TMEM242: variants seen among roughly 807,000 people sequenced by gnomAD.
TMEM242 encodes UPF0463 transmembrane protein C6orf35.
Under a neutral mutation model 18.2 loss-of-function variants are expected in TMEM242, and 10 were observed. The observed-to-expected ratio is 0.55, with a 90% CI of 0.34 to 0.93. The LOEUF (loss-of-function observed/expected upper bound fraction) is 0.93. TMEM242 is among the 40% of genes least tolerant of loss of function. TMEM242 has a pLI of 0.02. For synonymous variants in TMEM242, 57 were observed against 69.9 expected (o/e 0.81, Z 0.92); for missense variants, 186 against 175.5 (o/e 1.06, Z -0.34).
intron 3 of TMEM242, among the ~76,000 whole-genome samples, chr6:157,307,097 A>G (rs1190450047): frequency 6.6e-6 from 1 of 152,212 alleles, no homozygotes; most frequent in Non-Finnish European, 1.5e-5. Context: ...CTAATCAATC[A>G]TAAGTAACTT....
At chr6:157,299,411 A>C (rs1206084993) in intron 3 of TMEM242, 7 of 1,278,768 alleles carry the variant, frequency 5.5e-6, no homozygotes, top group Non-Finnish European at 6.8e-6. Context: ...TCCACTCCAT[A>C]CAGGAACACT....
At chr6:157,310,473 T>C (rs1554248296) in intron 3 of TMEM242, among the ~76,000 whole-genome samples, 2 of 151,150 alleles carry the variant, frequency 1.3e-5, no homozygotes, top group East Asian at 3.9e-4. Context: ...AGTGCCCCAG[T>C]GTGTGCTCAC....
intron 1 of TMEM242, 89 bp downstream of exon 1, chr6:157,323,323 G>A: frequency 7.3e-7 from 1 of 1,376,924 alleles, no homozygotes; most frequent in East Asian, 2.3e-5. Context: ...TCTCAGAGCG[G>A]GATGTGTGTG....
intron 3 of TMEM242, among the ~76,000 whole-genome samples, chr6:157,294,350 T>TC (rs1777722486): frequency 1.4e-5 from 2 of 144,936 alleles, no homozygotes; most frequent in African/African-American, 5.1e-5. Context: ...GTCATTTCTT[T>TC]TTTTTTTTTT....
Position 157,291,478 on chromosome 6 carries a change from C to G in TMEM242, c.*1423G>C, listed in dbSNP as rs1777683688. 1 of 152,268 alleles carries G rather than the reference C, an allele frequency of 6.6e-6. No individual in the cohort carries two copies. Among genetic ancestry groups the G allele is most frequent in the African/African-American group, 2.4e-5 (1 of 41,472 alleles). The allele number at this position is 152,268 out of a possible 1,614,324, so 9.4% of individuals were successfully genotyped here. On this transcript the variant is annotated 3_prime_UTR_variant, in exon 4 of 4. Transcript: ENST00000400788. ...CGAAAACCTGTTCCTTTGGCTCCTG[C>G]CTTTCCTTCCTTTCATTCAAAGCCT...
intron 2 of TMEM242, among the ~76,000 whole-genome samples, chr6:157,321,110 G>A (rs890450891): frequency 7.4e-5 from 11 of 149,468 alleles, no homozygotes; most frequent in African/African-American, 2.5e-4. Flanking sequence ...CCGGGTTCAC[G>A]CCATTCTCCT....
chr6:157,318,973 C>A (rs1778453144), intron 2 of TMEM242, 54 bp from the exon 3 acceptor site: 1 of 1,521,004 alleles, frequency 6.6e-7, no homozygotes, highest in Middle Eastern at 1.8e-4. Flanking sequence ...AAAGAATAAG[C>A]ATTCTGGGGG....
intron 3 of TMEM242, among the ~76,000 whole-genome samples, chr6:157,313,707 C>G: frequency 7.8e-6 from 1 of 128,096 alleles, no homozygotes; most frequent in Admixed American, 7.6e-5. Context: ...CTGGCCTCAT[C>G]ATAGTGTCCC....
At chr6:157,312,905 T>G (rs1554249504) in intron 3 of TMEM242, among the ~76,000 whole-genome samples, 1 of 152,054 alleles carries the variant, frequency 6.6e-6, no homozygotes, top group Non-Finnish European at 1.5e-5. Flanking sequence ...AGTGTCCCAC[T>G]GTGCGCTCAC....
intron 3 of TMEM242, among the ~76,000 whole-genome samples, chr6:157,306,112 T>C (rs587683108): frequency 3.3e-4 from 50 of 152,316 alleles, no homozygotes; most frequent in African/African-American, 1.2e-3. Flanking sequence ...GCAAGGTCCC[T>C]TGTAGATGAC....
intron 3 of TMEM242, among the ~76,000 whole-genome samples, chr6:157,313,069 T>A (rs1313066803): frequency 9.2e-4 from 2 of 2,176 alleles, no homozygotes; most frequent in South Asian, 8.5e-3. Context: ...CATCATAGGG[T>A]CCCAGTATGC....
At chr6:157,299,554 T>C (rs1719225460) in intron 3 of TMEM242, 5 of 1,529,880 alleles carry the variant, frequency 3.3e-6, no homozygotes, top group African/African-American at 1.4e-5. Flanking sequence ...TTTTGGAAAA[T>C]GCACTCAACT....
chr6:157,322,294 C>T (rs1778508707), intron 2 of TMEM242, among the ~76,000 whole-genome samples: 1 of 152,084 alleles, frequency 6.6e-6, no homozygotes, highest in Admixed American at 6.6e-5. Context: ...CCACACCTGG[C>T]TCATTTTTGT....
chr6:157,318,720 A>G, intron 3 of TMEM242, 62 bp downstream of exon 3: 1 of 1,598,158 alleles, frequency 6.3e-7, no homozygotes, highest in Non-Finnish European at 8.5e-7. Context: ...AACCAGAAAA[A>G]TTTAGAACAC....
chr6:157,313,496 G>T (rs1554249794), intron 3 of TMEM242, among the ~76,000 whole-genome samples: 4 of 147,902 alleles, frequency 2.7e-5, no homozygotes, highest in Non-Finnish European at 4.5e-5. Flanking sequence ...CACTCACCTA[G>T]ACTCATCATA....
At chr6:157,306,214 C>T (rs1390560411) in intron 3 of TMEM242, among the ~76,000 whole-genome samples, 1 of 152,086 alleles carries the variant, frequency 6.6e-6, no homozygotes, top group Non-Finnish European at 1.5e-5. Flanking sequence ...AGGCAGTGTG[C>T]GTGTTAAGTC....
intron 3 of TMEM242, among the ~76,000 whole-genome samples, chr6:157,309,763 A>T (rs9355704): frequency 0.64 from 96,684 of 152,038 alleles, 31,516 homozygotes; most frequent in East Asian, 0.96. Context: ...ACATTAATTT[A>T]AAAATTTAAA....
In TMEM242 at chr6:157,291,103, G is replaced by A. The variant is rs1777678101; in HGVS notation, c.*1798C>T. The A allele has an allele frequency of 6.6e-6, 1 of 152,244 alleles. No homozygotes were observed. The highest frequency in any genetic ancestry group is 2.4e-5 in the African/African-American group (1 of 41,454). 9.4% of individuals were successfully genotyped at this position (152,244 alleles called of 1,614,324 possible). ...TTACAAGGCCCTGAGAGGGGTCCCT[G>A]CCCTTCGGGAGGTTACAAGGCAGGA... is the stretch of plus-strand genomic sequence containing the variant. On this transcript the variant is annotated 3_prime_UTR_variant, in exon 4 of 4. Transcript: ENST00000400788.
intron 3 of TMEM242, chr6:157,299,719 A>G: frequency 2.8e-5 from 45 of 1,605,306 alleles, no homozygotes; most frequent in Non-Finnish European, 3.8e-5. Context: ...CTTGACGTGC[A>G]CCTTCTGTGA....
Sources: gnomAD v4.1 joint callset for allele counts (sites outside exome capture counted in the v4.1 genomes callset) on GRCh38, gnomAD v4.1.1 for gene constraint, MANE v1.5 for transcripts, NCBI Gene and HGNC (gene_info 2026-07-23, HGNC 2026-07-21) for gene names.